The following IRAK2 variants were observed in gnomAD, a reference collection of about 807,000 sequenced individuals.
The protein encoded by IRAK2 is interleukin-1 receptor-associated kinase-like 2.
In IRAK2, 57 loss-of-function variants were observed where a neutral mutation model predicts 72.0. The observed-to-expected ratio is 0.79, with a 90% CI of 0.64 to 0.99. The LOEUF (loss-of-function observed/expected upper bound fraction) is 0.99. IRAK2 is among the 50% of genes least tolerant of loss of function. IRAK2 has a pLI of 0.00. For missense variants in IRAK2, 790 were observed against 794.4 expected (o/e 0.99, Z 0.07); for synonymous variants, 293 against 312.7 (o/e 0.94, Z 0.67).
At chr3:10,168,508 C>G (rs1038435193) in intron 1 of IRAK2, among the ~76,000 whole-genome samples, 2 of 152,106 alleles carry the variant, frequency 1.3e-5, no homozygotes, top group African/African-American at 4.8e-5. Context: ...CCATGTCCGG[C>G]CTTATTGTTG....
At chr3:10,235,209 T>G (rs1453346511) in intron 11 of IRAK2, among the ~76,000 whole-genome samples, 1 of 152,068 alleles carries the variant, frequency 6.6e-6, no homozygotes, top group Non-Finnish European at 1.5e-5. Context: ...GCGGACGTCC[T>G]AGAAAGCAGC....
At position 10,209,675 on chromosome 3, in the gene IRAK2, A is replaced by G. The variant is rs1320176970; in HGVS notation, c.511A>G (p.Thr171Ala). ...APHSLRSDLPTSSDSKDFSTS... is the reference protein window; with the variant it reads ...APHSLRSDLPASSDSKDFSTS... Reference sequence around the variant, plus strand: ...TCATTCCTTGAGAAGCGACCTCCCCACTTCGTCTGATTCAAAGGTAAATCC... The same window carrying G: ...TCATTCCTTGAGAAGCGACCTCCCCGCTTCGTCTGATTCAAAGGTAAATCC... The change falls in exon 4 of 13, where the codon ACT (threonine) becomes GCT (alanine). Residue 171 changes from threonine to alanine, a missense_variant. Coordinates refer to ENST00000256458, the MANE Select transcript of IRAK2 (RefSeq NM_001570.4). 6.5e-7 allele frequency: 1 copy of G among 1,531,526 alleles called. No individual in the cohort carries two copies. Among genetic ancestry groups the G allele is most frequent in the African/African-American group, 1.4e-5 (1 of 70,374 alleles). 94.9% of individuals were successfully genotyped at this position (1,531,526 alleles called of 1,614,324 possible). A position where few individuals can be genotyped will look rare whatever the true frequency, so the allele number is the denominator to read the frequency against.
chr3:10,180,034 C>T (rs1290858050), intron 2 of IRAK2, among the ~76,000 whole-genome samples: 15 of 152,164 alleles, frequency 9.9e-5, no homozygotes, highest in Admixed American at 9.2e-4. Flanking sequence ...TAACAAATTA[C>T]CCTCCTCTGA....
At chr3:10,178,071 G>A (rs1696906281) in intron 2 of IRAK2, 51 bp downstream of exon 2, 3 of 1,435,242 alleles carry the variant, frequency 2.1e-6, no homozygotes, top group Non-Finnish European at 2.8e-6. Flanking sequence ...CTCCTGAGCA[G>A]TTTCCATCCG....
At chr3:10,211,090 T>C (rs545835150) in intron 4 of IRAK2, among the ~76,000 whole-genome samples, 41 of 152,214 alleles carry the variant, frequency 2.7e-4, no homozygotes, top group African/African-American at 9.9e-4. Flanking sequence ...CTTGAACTCC[T>C]GGCCTCATGT....
At chr3:10,240,789 C>T (rs190836729) in intron 12 of IRAK2, among the ~76,000 whole-genome samples, 1 of 151,260 alleles carries the variant, frequency 6.6e-6, no homozygotes, top group Non-Finnish European at 1.5e-5. Flanking sequence ...GAACTCCCAA[C>T]CTCAGGTGAT....
chr3:10,204,994 T>C (rs1697414859), intron 3 of IRAK2, among the ~76,000 whole-genome samples: 1 of 152,046 alleles, frequency 6.6e-6, no homozygotes, highest in Admixed American at 6.6e-5. Flanking sequence ...TCCCCTCCCT[T>C]AGCCATTATT....
chr3:10,213,603 C>G, intron 6 of IRAK2, 55 bp downstream of exon 6: 1 of 1,356,452 alleles, frequency 7.4e-7, no homozygotes, highest in Non-Finnish European at 1.1e-6. Context: ...ATAGTGCTTC[C>G]TGTGTGCCCA....
At chr3:10,170,506 C>G (rs1696778019) in intron 1 of IRAK2, among the ~76,000 whole-genome samples, 1 of 152,192 alleles carries the variant, frequency 6.6e-6, no homozygotes, top group South Asian at 2.1e-4. Flanking sequence ...TTTCCTGCCC[C>G]TGTTCCTCTC....
intron 8 of IRAK2, among the ~76,000 whole-genome samples, chr3:10,220,891 T>G (rs564646309): frequency 1.5e-4 from 23 of 152,170 alleles, no homozygotes; most frequent in South Asian, 2.1e-4. Flanking sequence ...ATACAAATCC[T>G]TAGTCCTGAG....
intron 10 of IRAK2, among the ~76,000 whole-genome samples, chr3:10,233,818 T>A (rs1697905829): frequency 6.6e-6 from 1 of 152,174 alleles, no homozygotes; most frequent in African/African-American, 2.4e-5. Context: ...GGTGCACTGT[T>A]TCATTGAATG....
Position 10,217,429 on chromosome 3 carries a change from C to T in IRAK2, c.903+381C>T, listed in dbSNP as rs11465905. On this transcript the variant is annotated intron_variant, in intron 7 of 12. Coordinates refer to ENST00000256458, the MANE Select transcript of IRAK2 (RefSeq NM_001570.4). ...GGTATCTCATAGAACTAACTTCGTTCGTCATGGTTCTGGAGGTGTTAGCCA... is the reference window on the plus strand; with the variant it reads ...GGTATCTCATAGAACTAACTTCGTTTGTCATGGTTCTGGAGGTGTTAGCCA... Among the ~76,000 whole-genome samples the T allele has an allele frequency of 3.3e-3, 508 of 152,272 alleles. 2 individuals are homozygous for T. Among genetic ancestry groups the T allele is most frequent in the Non-Finnish European group, 5.3e-3 (358 of 68,032 alleles).
At chr3:10,202,578 G>A (rs887048051) in intron 3 of IRAK2, among the ~76,000 whole-genome samples, 15 of 152,012 alleles carry the variant, frequency 9.9e-5, no homozygotes, top group Non-Finnish European at 5.9e-5. Context: ...AGCTGAGATC[G>A]TGCCACTGCA....
chr3:10,240,452 C>T (rs1269428016), intron 12 of IRAK2, among the ~76,000 whole-genome samples: 1 of 136,340 alleles, frequency 7.3e-6, no homozygotes, highest in Admixed American at 7.9e-5. Flanking sequence ...GGAAAACTGT[C>T]TCAGGGAAAA....
chr3:10,203,973 G>A (rs17032554), intron 3 of IRAK2, among the ~76,000 whole-genome samples: 7,392 of 152,222 alleles, frequency 0.049, 394 homozygotes, highest in African/African-American at 0.13. Context: ...TGAGCACCTC[G>A]GCAAAGCAGT....
In IRAK2 at chr3:10,175,617, C is replaced by T. The variant is rs530776724; in HGVS notation, c.95-2221C>T. ...GAAAAGGTACAAAATCAGCTGGGCA[C>T]GGTGGCTCACGCCTGTAATCCCAGT... On this transcript the variant is annotated intron_variant, in intron 1 of 12. Transcript: ENST00000256458. Among the ~76,000 whole-genome samples the T allele has an allele frequency of 7.9e-5, 12 of 151,780 alleles. 1 individual carries two copies. The highest frequency in any genetic ancestry group is 3.9e-4 in the East Asian group (2 of 5,110).
intron 12 of IRAK2, among the ~76,000 whole-genome samples, 193 bp downstream of exon 12, chr3:10,239,232 G>A (rs1006799760): frequency 6.6e-6 from 1 of 152,152 alleles, no homozygotes; most frequent in Non-Finnish European, 1.5e-5. Context: ...GACTGTGTCC[G>A]GTTAATCACC....
At chr3:10,223,586 T>C (rs2125160352) in intron 9 of IRAK2, among the ~76,000 whole-genome samples, 1 of 152,366 alleles carries the variant, frequency 6.6e-6, no homozygotes, top group Non-Finnish European at 1.5e-5. Flanking sequence ...ACCACAAGAT[T>C]AATTCAAGCT....
At chr3:10,216,472 A>G (rs1697606656) in intron 6 of IRAK2, among the ~76,000 whole-genome samples, 1 of 152,118 alleles carries the variant, frequency 6.6e-6, no homozygotes, top group African/African-American at 2.4e-5. Flanking sequence ...GAGGAAGGCA[A>G]AGGAGGAGGG....
Sources: gnomAD v4.1 joint callset for allele counts (sites outside exome capture counted in the v4.1 genomes callset) on GRCh38, gnomAD v4.1.1 for gene constraint, MANE v1.5 for transcripts, NCBI Gene and HGNC (gene_info 2026-07-23, HGNC 2026-07-21) for gene names.